CENPE: variants seen among roughly 807,000 people sequenced by gnomAD.
The protein encoded by CENPE is centromere-associated protein E.
CENPE carries 145 observed loss-of-function variants against 336.1 expected under a neutral mutation model. The ratio of observed to expected loss-of-function variants is 0.43; its 90% confidence interval spans 0.38 to 0.50. The LOEUF is 0.50. CENPE is among the 20% of genes least tolerant of loss of function. The pLI, the probability that CENPE is intolerant of heterozygous loss-of-function variation, is 0.00. For missense variants in CENPE, 2,719 were observed against 3,023.3 expected, an observed-to-expected ratio of 0.90 and a Z score of 2.36; for synonymous variants, 1,013 against 984.8, an observed-to-expected ratio of 1.03 and a Z score of -0.54.
At chr4:103,178,154 C>T (rs1333563432) in intron 13 of CENPE, among the ~76,000 whole-genome samples, 1 of 151,710 alleles carries the variant, frequency 6.6e-6, no homozygotes, top group Non-Finnish European at 1.5e-5. Flanking sequence ...TTATTTGACC[C>T]ACTCTCTGTC....
chr4:103,187,005 T>C (rs972636207), intron 8 of CENPE, among the ~76,000 whole-genome samples: 1 of 152,066 alleles, frequency 6.6e-6, no homozygotes, highest in Admixed American at 6.6e-5. Context: ...ATAAGAGAAG[T>C]AGACAGGGGC....
chr4:103,174,018 T>G (rs1173055921), intron 16 of CENPE, among the ~76,000 whole-genome samples: 3 of 151,986 alleles, frequency 2.0e-5, no homozygotes, highest in East Asian at 1.9e-4. Flanking sequence ...CAAAGGAACT[T>G]AAATGAGTAT....
chr4:103,139,670 C>T, intron 38 of CENPE, 119 bp downstream of exon 38: 4 of 872,136 alleles, frequency 4.6e-6, no homozygotes, highest in South Asian at 5.0e-5. Context: ...TAACCATTTC[C>T]CACTGTCCTT....
In CENPE at chr4:103,160,620, T is replaced by C. The variant is rs1262022012; in HGVS notation, c.2286+5A>G. On this transcript the variant is annotated splice_donor_5th_base_variant and intron_variant, in intron 21 of 48. Coordinates refer to ENST00000265148, the MANE Select transcript of CENPE (RefSeq NM_001813.3). ...TAAGGGATAAGTGCTTATAAATGTG[T>C]TTACCTCTTTCCTCAGCCTTTCTAC... The C allele has an allele frequency of 6.2e-7, 1 of 1,601,870 alleles. No homozygotes were observed. Among genetic ancestry groups the C allele is most frequent in the African/African-American group, 1.4e-5 (1 of 73,944 alleles).
rs141704739 is a variant in CENPE, at chr4:103,194,357, T to C, written c.627+17A>G. On this transcript the variant is annotated intron_variant, in intron 7 of 48. Coordinates refer to ENST00000265148, the MANE Select transcript of CENPE (RefSeq NM_001813.3). ...TTCTTACTTGGAAAGATCTAACAGA[T>C]AGATAGAATTACCTACCATCCTAAA... 216 of 1,607,628 alleles carry C rather than the reference T, an allele frequency of 1.3e-4. No individual in the cohort carries two copies. In the African/African-American group the frequency reaches 2.6e-3, roughly 19 times the overall value.
intron 8 of CENPE, among the ~76,000 whole-genome samples, chr4:103,187,693 C>T (rs1472380430): frequency 6.6e-6 from 1 of 152,220 alleles, no homozygotes; most frequent in African/African-American, 2.4e-5. Flanking sequence ...ACTGCAAAAA[C>T]ATGCCAAATT....
chr4:103,121,951 C>T (rs2125867887), intron 43 of CENPE, among the ~76,000 whole-genome samples: 1 of 152,246 alleles, frequency 6.6e-6, no homozygotes, highest in African/African-American at 2.4e-5. Context: ...TCTGAACCCT[C>T]TATTCTGTTC....
intron 42 of CENPE, among the ~76,000 whole-genome samples, chr4:103,130,641 A>C (rs1463919364): frequency 6.6e-6 from 1 of 152,154 alleles, no homozygotes; most frequent in African/African-American, 2.4e-5. Context: ...TATTCTGTGA[A>C]TAGGGACAAA....
intron 24 of CENPE, among the ~76,000 whole-genome samples, chr4:103,154,889 A>G (rs1330982611): frequency 2.0e-5 from 3 of 152,196 alleles, no homozygotes; most frequent in African/African-American, 4.8e-5. Flanking sequence ...ACTAAAAATG[A>G]GCATTCCAAG....
At chr4:103,150,615 A>G (rs1010646997) in intron 26 of CENPE, among the ~76,000 whole-genome samples, 1 of 152,022 alleles carries the variant, frequency 6.6e-6, no homozygotes. Context: ...AAAAAGAAAA[A>G]ATATTCCACA....
chr4:103,131,754 T>C (rs1751607889), intron 42 of CENPE, among the ~76,000 whole-genome samples: 1 of 152,126 alleles, frequency 6.6e-6, no homozygotes, highest in African/African-American at 2.4e-5. Flanking sequence ...CACAATGGAA[T>C]ATTATTCAGC....
At chr4:103,181,075 T>C (rs1237812533) in intron 12 of CENPE, among the ~76,000 whole-genome samples, 3 of 152,178 alleles carry the variant, frequency 2.0e-5, no homozygotes, top group East Asian at 1.9e-4. Context: ...GAAATGTCTC[T>C]ACTTGGCCCA....
chr4:103,137,828 T>C (rs1752196409), intron 39 of CENPE, among the ~76,000 whole-genome samples: 1 of 152,188 alleles, frequency 6.6e-6, no homozygotes, highest in South Asian at 2.1e-4. Flanking sequence ...AATATAACAA[T>C]TAAGAGTCAT....
Position 103,145,504 on chromosome 4 carries a change from T to C in CENPE, c.4572+19A>G. On this transcript the variant is annotated intron_variant, in intron 31 of 48. Transcript: ENST00000265148. ...AAACCCACCCATTTCCTCCCACTGT[T>C]TCTTCATCCCCAATTTACCTTGTTC... 6.3e-7 allele frequency: 1 copy of C among 1,587,126 alleles called. No homozygotes were observed. The highest frequency in any genetic ancestry group is 8.6e-7 in the Non-Finnish European group (1 of 1,166,990).
chr4:103,106,613 G>T (rs1748926367), intron 48 of CENPE, among the ~76,000 whole-genome samples: 1 of 152,178 alleles, frequency 6.6e-6, no homozygotes, highest in African/African-American at 2.4e-5. Context: ...CGGGCTGATT[G>T]AGTTTTCTTT....
In CENPE at chr4:103,177,014, A is replaced by G; in HGVS notation, c.1275T>C (p.Leu425=). The G allele has an allele frequency of 2.5e-6, 4 of 1,609,294 alleles. No individual in the cohort carries two copies. The highest frequency in any genetic ancestry group is 3.4e-6 in the Non-Finnish European group (4 of 1,178,430). Residue 425 remains leucine (L), a synonymous_variant, in exon 14 of 49, where the codon CTT becomes CTC. Transcript: ENST00000265148. ...AKRKRRVTWC[L]GKINKMKNSN... is the part of the protein sequence containing the mutation. The stretch of plus-strand genomic sequence containing the variant: ...AGTTCTTCATTTTGTTAATTTTGCC[A>G]AGGCACCAAGTAACTCTTCGTTTTC...
Position 103,160,704 on chromosome 4 carries a change from T to C in CENPE, c.2207A>G (p.Asn736Ser), listed in dbSNP as rs1478179810. Reference protein sequence around the residue: ...QKELNKEVEENEALREEVILL... With the variant: ...QKELNKEVEESEALREEVILL... Reference sequence around the variant, plus strand: ...AATGACTTCTTCCCGCAAAGCTTCATTTTCTTCAACTTCTTTATTTAGTTC... The same window carrying C: ...AATGACTTCTTCCCGCAAAGCTTCACTTTCTTCAACTTCTTTATTTAGTTC... Residue 736 changes from asparagine to serine, a missense_variant, in exon 21 of 49, where the codon AAT becomes AGT. Asn to Ser is a conservative substitution (Grantham distance 46). Coordinates refer to ENST00000265148, the MANE Select transcript of CENPE (RefSeq NM_001813.3). The C allele has an allele frequency of 6.2e-7, 1 of 1,610,848 alleles. No homozygotes were observed. The highest frequency in any genetic ancestry group is 2.2e-5 in the East Asian group (1 of 44,678).
intron 16 of CENPE, among the ~76,000 whole-genome samples, chr4:103,169,218 C>A (rs150494371): frequency 2.7e-5 from 4 of 147,760 alleles, no homozygotes; most frequent in Non-Finnish European, 5.9e-5. Context: ...GAGCTTGAGA[C>A]AGGCTATTTT....
At position 103,108,496 on chromosome 4, in the gene CENPE, T is replaced by C. The variant is rs552753494; in HGVS notation, c.8011+307A>G. Among the ~76,000 whole-genome samples the C allele has an allele frequency of 1.9e-4, 29 of 152,288 alleles. 1 individual carries two copies. The South Asian group carries it at 5.4e-3, about 28-fold the overall frequency. On this transcript the variant is annotated intron_variant, in intron 48 of 48. Coordinates refer to ENST00000265148, the MANE Select transcript of CENPE (RefSeq NM_001813.3). ...TGGTCCATTGAATTGATAAGACTTT[T>C]CAGTAAAAGTTGCTTTTTAGGGTAG...
Sources: allele counts gnomAD v4.1 joint callset (sites outside exome capture counted in the v4.1 genomes callset), GRCh38; gene constraint gnomAD v4.1.1; transcripts MANE v1.5; gene names NCBI Gene and HGNC (gene_info 2026-07-23, HGNC 2026-07-21).